Variants in GRM7 observed in about 807,000 individuals in gnomAD.
GRM7 encodes the protein metabotropic glutamate receptor 7.
GRM7 carries 35 observed loss-of-function variants against 84.5 expected under a neutral mutation model. The ratio of observed to expected loss-of-function variants is 0.41; its 90% CI spans 0.32 to 0.55. The LOEUF (loss-of-function observed/expected upper bound fraction) is 0.55. GRM7 is among the 20% of genes least tolerant of loss of function. The pLI, the probability that GRM7 is intolerant of heterozygous loss-of-function variation, is 0.19. For synonymous variants in GRM7, 487 were observed against 455.1 expected (o/e 1.07, Z -0.89); for missense variants, 1,003 against 1,194.6 (o/e 0.84, Z 2.36).
chr3:7,269,315 C>T (rs904369033), intron 2 of GRM7, among the ~76,000 whole-genome samples: 2 of 152,178 alleles, frequency 1.3e-5, no homozygotes, highest in South Asian at 2.1e-4. Context: ...CCTGCCTGAA[C>T]CATCATCAGA....
chr3:7,184,230 A>T (rs547408716), intron 2 of GRM7, among the ~76,000 whole-genome samples: 13 of 152,252 alleles, frequency 8.5e-5, no homozygotes, highest in South Asian at 4.1e-4. Flanking sequence ...AAAATAAGCT[A>T]TTCCCTTCTC....
chr3:7,078,276 A>G (rs1698162645), intron 1 of GRM7, among the ~76,000 whole-genome samples: 1 of 152,206 alleles, frequency 6.6e-6, no homozygotes, highest in Non-Finnish European at 1.5e-5. Context: ...ATCATCACCC[A>G]GAAACTTGTT....
At chr3:7,419,957 G>A (rs1361195978) in intron 5 of GRM7, among the ~76,000 whole-genome samples, 1 of 152,144 alleles carries the variant, frequency 6.6e-6, no homozygotes, top group South Asian at 2.1e-4. Flanking sequence ...GTTTACTGTG[G>A]AAAGATATCA....
At chr3:7,647,575 G>A (rs1474378102) in intron 8 of GRM7, among the ~76,000 whole-genome samples, 1 of 152,208 alleles carries the variant, frequency 6.6e-6, no homozygotes, top group Admixed American at 6.5e-5. Flanking sequence ...TTGGAAGTAT[G>A]AGGGCTACAT....
chr3:7,269,848 C>G (rs1698788480), intron 2 of GRM7, among the ~76,000 whole-genome samples: 1 of 152,204 alleles, frequency 6.6e-6, no homozygotes, highest in African/African-American at 2.4e-5. Flanking sequence ...GCAGCTCCCC[C>G]TTTCCCTACT....
chr3:7,152,483 C>T (rs1299612501), intron 2 of GRM7, among the ~76,000 whole-genome samples: 1 of 152,208 alleles, frequency 6.6e-6, no homozygotes, highest in Non-Finnish European at 1.5e-5. Context: ...AATCTCCAGT[C>T]TCATTCCCAT....
At chr3:7,338,867 T>C (rs183626800) in intron 4 of GRM7, among the ~76,000 whole-genome samples, 1 of 152,130 alleles carries the variant, frequency 6.6e-6, no homozygotes, top group Admixed American at 6.6e-5. Flanking sequence ...GCCTATAAAC[T>C]TGGCCTTTTA....
chr3:7,611,148 T>C (rs1011499485), intron 8 of GRM7, among the ~76,000 whole-genome samples: 1 of 152,194 alleles, frequency 6.6e-6, no homozygotes, highest in African/African-American at 2.4e-5. Flanking sequence ...CTGAGCCTCA[T>C]ATTCCTCACC....
At chr3:7,400,462 T>C (rs761896112) in intron 4 of GRM7, among the ~76,000 whole-genome samples, 16 of 152,164 alleles carry the variant, frequency 1.1e-4, no homozygotes, top group Non-Finnish European at 7.4e-5. Flanking sequence ...TCTGGCTCCA[T>C]TATACCTTTC....
At chr3:7,595,918 C>T (rs1021763460) in intron 8 of GRM7, among the ~76,000 whole-genome samples, 2 of 152,022 alleles carry the variant, frequency 1.3e-5, no homozygotes, top group African/African-American at 4.8e-5. Context: ...TATGGGATGT[C>T]ATTGGATGAT....
chr3:7,738,526 A>C (rs761753102), intron 9 of GRM7, among the ~76,000 whole-genome samples: 4 of 152,158 alleles, frequency 2.6e-5, no homozygotes, highest in Non-Finnish European at 4.4e-5. Context: ...TCAGCTTTAC[A>C]ATTTGGGGAT....
At chr3:7,452,459 G>T in intron 5 of GRM7, 148 bp from the exon 6 acceptor site, 1 of 637,178 alleles carries the variant, frequency 1.6e-6, no homozygotes, top group Non-Finnish European at 2.8e-6. Flanking sequence ...CACGTGGTAG[G>T]CAAATGTGGC....
chr3:7,292,769 G>A (rs993754576), intron 2 of GRM7, among the ~76,000 whole-genome samples: 22 of 149,846 alleles, frequency 1.5e-4, no homozygotes, highest in Admixed American at 1.3e-3. Context: ...GGTGGCTCAC[G>A]CCTGTAATCC....
At chr3:6,901,234 G>T (rs1696369676) in intron 1 of GRM7, among the ~76,000 whole-genome samples, 1 of 152,122 alleles carries the variant, frequency 6.6e-6, no homozygotes, top group South Asian at 2.1e-4. Flanking sequence ...ATCCATCTGA[G>T]AAGTACAAAT....
chr3:7,413,047 C>T (rs958875620), intron 4 of GRM7, among the ~76,000 whole-genome samples: 3 of 152,052 alleles, frequency 2.0e-5, no homozygotes, highest in African/African-American at 7.2e-5. Context: ...TCTGCTTCTA[C>T]CCCTGACTTT....
chr3:7,705,689 A>G (rs1380397418), intron 9 of GRM7, among the ~76,000 whole-genome samples: 2 of 152,186 alleles, frequency 1.3e-5, no homozygotes, highest in South Asian at 2.1e-4. Context: ...AATGTAAAAG[A>G]TCGAAGAAAG....
intron 2 of GRM7, among the ~76,000 whole-genome samples, chr3:7,235,719 A>G (rs765264958): frequency 6.6e-6 from 1 of 152,234 alleles, no homozygotes; most frequent in Non-Finnish European, 1.5e-5. Context: ...AGCTGCCTAC[A>G]TGGATAATAT....
intron 4 of GRM7, among the ~76,000 whole-genome samples, chr3:7,393,873 C>G (rs1001887676): frequency 7.2e-5 from 11 of 152,156 alleles, no homozygotes; most frequent in Admixed American, 7.2e-4. Flanking sequence ...ACCAGCACCA[C>G]GTGGTCCATG....
At chr3:7,531,459 C>T (rs1701033281) in intron 7 of GRM7, among the ~76,000 whole-genome samples, 1 of 152,084 alleles carries the variant, frequency 6.6e-6, no homozygotes, top group Non-Finnish European at 1.5e-5. Context: ...GAATGTTTTT[C>T]CATTTGTTTG....
Sources: gnomAD v4.1 joint callset for allele counts (sites outside exome capture counted in the v4.1 genomes callset) on GRCh38, gnomAD v4.1.1 for gene constraint, MANE v1.5 for transcripts, NCBI Gene and HGNC (gene_info 2026-07-23, HGNC 2026-07-21) for gene names.